Variants in PLEKHG7 observed in about 807,000 individuals in gnomAD.
PLEKHG7 encodes pleckstrin homology and RhoGEF domain containing G7, also known as pleckstrin homology domain-containing family G member 7.
PLEKHG7 carries 77 observed loss-of-function variants against 85.2 expected under a neutral mutation model. The ratio of observed to expected loss-of-function variants is 0.90; its 90% CI spans 0.75 to 1.09. The LOEUF (loss-of-function observed/expected upper bound fraction) is 1.09, where lower values mean the gene tolerates loss of function less well. PLEKHG7 is among the 50% of genes least tolerant of loss of function. The pLI is 0.00. For missense variants in PLEKHG7, 777 were observed against 804.3 expected, an observed-to-expected ratio of 0.97 and a Z score of 0.41; for synonymous variants, 301 against 302.4, an observed-to-expected ratio of 1.00 and a Z score of 0.05.
At chr12:92,720,074 C>G (rs55891027) in intron 3 of PLEKHG7, among the ~76,000 whole-genome samples, 35,686 of 151,966 alleles carry the variant, frequency 0.23, 4,984 homozygotes, top group East Asian at 0.51. Context: ...TTTCCTGTGG[C>G]TGCTATGATA....
chr12:92,724,274 C>T (rs1295106568), intron 3 of PLEKHG7, among the ~76,000 whole-genome samples: 2 of 152,162 alleles, frequency 1.3e-5, no homozygotes, highest in African/African-American at 2.4e-5. Context: ...TTATGTTTCT[C>T]ATTCAAATTA....
rs1592676778 is a variant in PLEKHG7, at chr12:92,725,880, G to C, written c.531-3113G>C. On this transcript the variant is annotated intron_variant, in intron 3 of 16. Coordinates refer to ENST00000344636, the MANE Select transcript of PLEKHG7 (RefSeq NM_001377329.1). ...TAACCTCAAAAGTAATTGTTCTCTA[G>C]TTGTGGTGAGTATCCAGGGAGCAGG... 2.6e-5 allele frequency among the ~76,000 whole-genome samples: 4 copies of C among 152,160 alleles called. No individual in the cohort carries two copies. The East Asian group carries it at 7.7e-4, about 29-fold the overall frequency.
intron 3 of PLEKHG7, among the ~76,000 whole-genome samples, chr12:92,713,700 G>T (rs934086551): frequency 6.6e-6 from 1 of 152,130 alleles, no homozygotes; most frequent in African/African-American, 2.4e-5. Flanking sequence ...GGGATGAGTA[G>T]GTCTAAAGTG....
chr12:92,729,233 G>A (rs2136591372), intron 4 of PLEKHG7, 113 bp downstream of exon 4: 3 of 1,168,234 alleles, frequency 2.6e-6, no homozygotes, highest in Non-Finnish European at 3.2e-6. Flanking sequence ...GCACTGACCT[G>A]TTACAATCAG....
At position 92,756,416 on chromosome 12, in the gene PLEKHG7, AC is replaced by A; in HGVS notation, c.1636+28del. 4 of 1,541,788 alleles carry A rather than the reference AC, an allele frequency of 2.6e-6. No homozygotes were observed. In the South Asian group the frequency reaches 4.5e-5, roughly 17 times the overall value. The stretch of plus-strand genomic sequence containing the variant: ...GGTAAATAACTGCTTCCTTTAAAAA[AC>A]CCAACATCTGTGCCGCCTTGTAACT... On this transcript the variant is annotated intron_variant, in intron 13 of 16. Transcript: ENST00000344636.
At chr12:92,734,466 A>G (rs1219391138) in intron 5 of PLEKHG7, among the ~76,000 whole-genome samples, 2 of 152,246 alleles carry the variant, frequency 1.3e-5, no homozygotes, top group Admixed American at 6.5e-5. Flanking sequence ...ACAACAATCC[A>G]ACAAGGTAGG....
At chr12:92,763,382 C>T (rs2136632101) in intron 14 of PLEKHG7, among the ~76,000 whole-genome samples, 1 of 152,204 alleles carries the variant, frequency 6.6e-6, no homozygotes, top group East Asian at 1.9e-4. Flanking sequence ...GGCCCCCTTT[C>T]TCATTCATCG....
rs549163611 is a variant in PLEKHG7 at position 92,755,717 on chromosome 12, C to T, written c.1427-108C>T. On this transcript the variant is annotated intron_variant, in intron 11 of 16. Transcript: ENST00000344636. ...GAAATGAACTTTATATATTGTCTGG[C>T]TCCAGGGGCAGCCAGTGTTTCTAAA... 2,476 of 770,344 alleles carry T rather than the reference C, an allele frequency of 3.2e-3. 5 individuals carry two copies. The highest frequency in any genetic ancestry group is 4.3e-3 in the Non-Finnish European group (1,898 of 440,870). The allele number at this position is 770,344 out of a possible 1,614,324, so 47.7% of individuals were successfully genotyped here.
intron 3 of PLEKHG7, among the ~76,000 whole-genome samples, chr12:92,722,364 T>C (rs1196066622): frequency 6.6e-6 from 1 of 152,228 alleles, no homozygotes; most frequent in Non-Finnish European, 1.5e-5. Context: ...CCTAGGTCTC[T>C]GCATGGCTAC....
intron 3 of PLEKHG7, among the ~76,000 whole-genome samples, chr12:92,710,814 G>A (rs188147254): frequency 1.3e-5 from 2 of 152,302 alleles, no homozygotes; most frequent in East Asian, 3.9e-4. Flanking sequence ...GGGCCCATCG[G>A]GCAATGACAG....
intron 10 of PLEKHG7, among the ~76,000 whole-genome samples, chr12:92,753,702 A>T (rs1014242304): frequency 1.3e-5 from 2 of 152,194 alleles, no homozygotes; most frequent in African/African-American, 2.4e-5. Context: ...CCAACAAGCA[A>T]GAATCCTTCC....
At chr12:92,745,710 T>C in intron 10 of PLEKHG7, 119 bp downstream of exon 10, 3 of 664,692 alleles carry the variant, frequency 4.5e-6, no homozygotes, top group East Asian at 2.7e-5. Context: ...ATCAATAATA[T>C]GTTTTAACTA....
Position 92,732,288 on chromosome 12 carries a change from T to G in PLEKHG7, c.699+15T>G, listed in dbSNP as rs149488226. ...AAAGAGGAGTGGTAAGTGTTGCAAA[T>G]TGCCATTTTTGTTTTAATTAAGCTT... On this transcript the variant is annotated intron_variant, in intron 5 of 16. Coordinates refer to ENST00000344636, the MANE Select transcript of PLEKHG7 (RefSeq NM_001377329.1). The G allele has an allele frequency of 1.8e-3, 2,219 of 1,229,672 alleles. 4 individuals carry two copies. Among genetic ancestry groups the G allele is most frequent in the Admixed American group, 4.7e-3 (112 of 23,706 alleles). The allele number at this position is 1,229,672 out of a possible 1,614,324, so 76.2% of individuals were successfully genotyped here.
intron 3 of PLEKHG7, among the ~76,000 whole-genome samples, chr12:92,720,203 A>C (rs908997111): frequency 2.0e-5 from 3 of 152,172 alleles, no homozygotes; most frequent in Non-Finnish European, 1.5e-5. Flanking sequence ...GCTCTAGGGG[A>C]GGACTTTCGC....
chr12:92,725,182 G>A (rs1391844577), intron 3 of PLEKHG7, among the ~76,000 whole-genome samples: 2 of 152,034 alleles, frequency 1.3e-5, no homozygotes, highest in Non-Finnish European at 2.9e-5. Context: ...GGCACCTAGG[G>A]GATAAAACAT....
intron 3 of PLEKHG7, among the ~76,000 whole-genome samples, chr12:92,722,165 T>C (rs1421582002): frequency 6.6e-6 from 1 of 151,800 alleles, no homozygotes; most frequent in Non-Finnish European, 1.5e-5. Flanking sequence ...CATGCTGAAC[T>C]CATTACAGCT....
At position 92,706,716 on chromosome 12, in the gene PLEKHG7, A is replaced by T. The variant is rs1452186097; in HGVS notation, c.85A>T (p.Lys29Ter). 1 of 1,614,122 alleles carries T rather than the reference A, an allele frequency of 6.2e-7. No homozygotes were observed. Among genetic ancestry groups the T allele is most frequent in the East Asian group, 2.2e-5 (1 of 44,874 alleles). Reference sequence around the variant, plus strand: ...TCGGCCCTCGCTGAGGAGCCTGCCAAAGAACCAGGGGAGTCTCCTCCAGTT... The same window carrying T: ...TCGGCCCTCGCTGAGGAGCCTGCCATAGAACCAGGGGAGTCTCCTCCAGTT... ...SPRPSLRSLP[K>*]NQGSLLQFDR... is the part of the protein sequence containing the mutation. Residue 29 changes from lysine to a stop codon, truncating the protein, a stop_gained, in exon 2 of 17, where the codon AAG becomes TAG. Coordinates refer to ENST00000344636, the MANE Select transcript of PLEKHG7 (RefSeq NM_001377329.1). LOFTEE classifies it high-confidence loss of function.
intron 6 of PLEKHG7, 134 bp from the exon 7 acceptor site, chr12:92,737,244 C>A: frequency 1.3e-6 from 1 of 758,586 alleles, no homozygotes; most frequent in Non-Finnish European, 1.8e-6. Flanking sequence ...AAGAGGGATG[C>A]CCAGGGTCTG....
chr12:92,741,563 T>A lies in PLEKHG7; in HGVS notation c.1108T>A (p.Ser370Thr), dbSNP rs201730082. 28 of 1,613,264 alleles carry A rather than the reference T, an allele frequency of 1.7e-5. No homozygotes were observed. The East Asian group carries it at 5.8e-4, about 33-fold the overall frequency. The change falls in exon 9 of 17, where the codon TCA becomes ACA. Residue 370 changes from serine to threonine, a missense_variant. Coordinates refer to ENST00000344636, the MANE Select transcript of PLEKHG7 (RefSeq NM_001377329.1). The part of the protein sequence containing the change: ...DYVDASEISS[S>T]LDFISVLTKY... The stretch of plus-strand genomic sequence containing the variant: ...TGTAGACGCTTCTGAGATTTCCTCA[T>A]CACTGGATTTTATTTCCGTGCTCAC...
Sources: allele counts gnomAD v4.1 joint callset (sites outside exome capture counted in the v4.1 genomes callset), GRCh38; gene constraint gnomAD v4.1.1; transcripts MANE v1.5; gene names NCBI Gene and HGNC (gene_info 2026-07-23, HGNC 2026-07-21).